PSD3: variants seen among roughly 807,000 people sequenced by gnomAD.
The protein encoded by PSD3 is pleckstrin and Sec7 domain containing 3, also known as PH and SEC7 domain-containing protein 3.
Under a neutral mutation model 105.5 loss-of-function variants are expected in PSD3, and 49 were observed. The ratio of observed to expected loss-of-function variants is 0.46; its 90% CI spans 0.37 to 0.59. The LOEUF is 0.59. PSD3 is among the 20% of genes least tolerant of loss of function. The pLI, the probability that PSD3 is intolerant of heterozygous loss-of-function variation, is 0.00. For missense variants in PSD3, 1,561 were observed against 1,263.8 expected, an observed-to-expected ratio of 1.24 and a Z score of -3.57; for synonymous variants, 557 against 457.8, an observed-to-expected ratio of 1.22 and a Z score of -2.77.
chr8:18,837,827 T>C (rs1251103561), intron 4 of PSD3, among the ~76,000 whole-genome samples: 1 of 152,206 alleles, frequency 6.6e-6, no homozygotes, highest in Non-Finnish European at 1.5e-5. Context: ...ACTAGTCATC[T>C]CTGAGATGTT....
At position 18,787,063 on chromosome 8, in the gene PSD3, A is replaced by T. The variant is rs137888052; in HGVS notation, c.2082+12232T>A. 4.6e-3 allele frequency among the ~76,000 whole-genome samples: 708 copies of T among 152,348 alleles called. 6 individuals are homozygous for T. Among genetic ancestry groups the T allele is most frequent in the African/African-American group, 0.016 (659 of 41,578 alleles). On this transcript the variant is annotated intron_variant, in intron 8 of 15. Transcript: ENST00000327040. ...GTCTCAATTATTTTAAAATACTATT[A>T]TTCAGGCAAACACTACTCAACGAAT...
chr8:18,837,206 A>G (rs1167923112), intron 4 of PSD3, among the ~76,000 whole-genome samples: 2 of 152,196 alleles, frequency 1.3e-5, no homozygotes, highest in South Asian at 2.1e-4. Context: ...TCCAGACAGT[A>G]TAAGATAGAC....
At chr8:18,623,446 CCCAAAAA>C (rs1489437620) in intron 11 of PSD3, among the ~76,000 whole-genome samples, 33 of 57,068 alleles carry the variant, frequency 5.8e-4, no homozygotes, top group Middle Eastern at 0.012. Flanking sequence ...CCCCCGTCTC[CCCAAAAA>C]AAAAAAAAAA....
At chr8:18,936,512 T>A (rs745901926) in intron 1 of PSD3, among the ~76,000 whole-genome samples, 2 of 152,096 alleles carry the variant, frequency 1.3e-5, no homozygotes, top group Non-Finnish European at 2.9e-5. Context: ...ACCTGTAATC[T>A]CAGCACTTTG....
intron 9 of PSD3, among the ~76,000 whole-genome samples, chr8:18,707,866 CCACAGAAGA>C (rs1801995606): frequency 6.6e-6 from 1 of 152,192 alleles, no homozygotes; most frequent in Admixed American, 6.5e-5. Flanking sequence ...CTGATGTCTT[CCACAGAAGA>C]CAGGTCACAA....
At chr8:18,539,061 C>T (rs116741009) in intron 15 of PSD3, among the ~76,000 whole-genome samples, 248 of 152,316 alleles carry the variant, frequency 1.6e-3, no homozygotes, top group African/African-American at 5.4e-3. Flanking sequence ...TGTAGCTTTG[C>T]ATTTTACCAG....
intron 1 of PSD3, among the ~76,000 whole-genome samples, chr8:19,055,278 A>ATCC (rs1453623374): frequency 6.6e-6 from 1 of 151,758 alleles, no homozygotes; most frequent in Non-Finnish European, 1.5e-5. Flanking sequence ...TTTTGGACAG[A>ATCC]GTTTTGCTCT....
rs189516370 is a variant in PSD3 at position 18,914,170 on chromosome 8, G to C, written c.130+21864C>G. Among the ~76,000 whole-genome samples the C allele has an allele frequency of 4.5e-3, 654 of 144,640 alleles. 5 individuals carry two copies. The highest frequency in any genetic ancestry group is 0.016 in the African/African-American group (621 of 38,868). 94.9% of individuals were successfully genotyped at this position (144,640 alleles called of 152,430 possible). ...CTCCATAGACTCATAAACAGCATTT[G>C]AGAAAATTCAACACCCTTTCATGAT... On this transcript the variant is annotated intron_variant, in intron 2 of 15. Transcript: ENST00000327040.
chr8:19,074,366 C>CG (rs1191040601), intron 1 of PSD3, among the ~76,000 whole-genome samples: 2 of 151,840 alleles, frequency 1.3e-5, no homozygotes, highest in Non-Finnish European at 2.9e-5. Flanking sequence ...CTCCCGGGTC[C>CG]GGGGGGTGCC....
chr8:19,056,287 C>T (rs1258448509), intron 1 of PSD3, among the ~76,000 whole-genome samples: 1 of 152,198 alleles, frequency 6.6e-6, no homozygotes, highest in Non-Finnish European at 1.5e-5. Flanking sequence ...GCAAATAAAA[C>T]TGACCCTCCT....
chr8:19,055,184 C>G (rs369459672), intron 1 of PSD3, among the ~76,000 whole-genome samples: 20 of 152,160 alleles, frequency 1.3e-4, no homozygotes, highest in African/African-American at 4.8e-4. Context: ...TCTTGCCTAG[C>G]TTAATTTAGG....
rs182656741 is a variant in PSD3, at chr8:18,978,615, G to A, written c.21+34948C>T. Among the ~76,000 whole-genome samples the A allele has an allele frequency of 2.6e-5, 4 of 152,258 alleles. No individual in the cohort carries two copies. In the South Asian group the frequency reaches 8.3e-4, roughly 32 times the overall value. ...ACAGACACAGTAACCTCAACATGGGGTTTACAGCGCAGGAATGAGGAGGAG... is the reference window on the plus strand; with the variant it reads ...ACAGACACAGTAACCTCAACATGGGATTTACAGCGCAGGAATGAGGAGGAG... On this transcript the variant is annotated intron_variant, in intron 1 of 15. Transcript: ENST00000327040.
At chr8:18,545,995 T>A (rs888299633) in intron 15 of PSD3, among the ~76,000 whole-genome samples, 8 of 152,086 alleles carry the variant, frequency 5.3e-5, no homozygotes, top group African/African-American at 1.9e-4. Flanking sequence ...GGACCTGAAG[T>A]AGTCTATTTA....
chr8:18,871,812 C>T lies in PSD3; in HGVS notation c.1052G>A (p.Cys351Tyr). 1 of 1,614,218 alleles carries T rather than the reference C, an allele frequency of 6.2e-7. No homozygotes were observed. The highest frequency in any genetic ancestry group is 8.5e-7 in the Non-Finnish European group (1 of 1,180,026). ...ATTCTCAGTTAAACTACTTGAATTA[C>T]ACAAACCAGCTGATGAGATGAGATG... is the stretch of plus-strand genomic sequence containing the variant. The part of the protein sequence containing the change: ...PRHLISSAGL[C>Y]NSSSLTENVW... Residue 351 changes from cysteine (C) to tyrosine (Y), a missense_variant, in exon 3 of 16, where the codon TGT becomes TAT. Physicochemically the swap from Cys to Tyr is radical, Grantham distance 194. Coordinates refer to ENST00000327040, the MANE Select transcript of PSD3 (RefSeq NM_015310.4).
chr8:19,056,331 G>GA (rs2129477378), intron 1 of PSD3, among the ~76,000 whole-genome samples: 1 of 152,262 alleles, frequency 6.6e-6, no homozygotes, highest in South Asian at 2.1e-4. Flanking sequence ...CAGAAACTGG[G>GA]TCTGAATATG....
At chr8:18,921,426 C>T (rs1244453279) in intron 2 of PSD3, among the ~76,000 whole-genome samples, 1 of 152,208 alleles carries the variant, frequency 6.6e-6, no homozygotes, top group Non-Finnish European at 1.5e-5. Flanking sequence ...CCCTTGCCCA[C>T]AGATTCTAAC....
chr8:18,587,801 G>C (rs763633084), intron 12 of PSD3, among the ~76,000 whole-genome samples: 31 of 152,270 alleles, frequency 2.0e-4, no homozygotes, highest in Non-Finnish European at 3.4e-4. Flanking sequence ...GTCTTTGGAA[G>C]CTTAGAATTT....
intron 9 of PSD3, among the ~76,000 whole-genome samples, chr8:18,657,715 A>T (rs10110032): frequency 0.078 from 11,808 of 152,206 alleles, 576 homozygotes; most frequent in East Asian, 0.17. Context: ...CGCCTTTTAA[A>T]TGAATTATAT....
intron 4 of PSD3, among the ~76,000 whole-genome samples, chr8:18,815,630 G>C (rs183872723): frequency 2.0e-5 from 3 of 152,152 alleles, no homozygotes; most frequent in East Asian, 3.9e-4. Context: ...AAATTCTTAC[G>C]ACACCTTTTC....
Sources: gnomAD v4.1 joint callset for allele counts (sites outside exome capture counted in the v4.1 genomes callset) on GRCh38, gnomAD v4.1.1 for gene constraint, MANE v1.5 for transcripts, NCBI Gene and HGNC (gene_info 2026-07-23, HGNC 2026-07-21) for gene names.